Variants in SPMIP5 observed in about 807,000 individuals in gnomAD.
The protein encoded by SPMIP5 is sperm microtubule inner protein 5, also known as sperm-associated microtubule inner protein 5.
At chr10:116,663,867 C>G in the SPMIP5 span, 1 of 1,487,452 alleles carries the variant, frequency 6.7e-7, no homozygotes, top group Non-Finnish European at 8.9e-7. Flanking sequence ...GTTTTGGAAG[C>G]CCCACTTAAA....
the SPMIP5 span, chr10:116,664,863 A>G: frequency 6.2e-7 from 1 of 1,614,072 alleles, no homozygotes; most frequent in Non-Finnish European, 8.5e-7. Context: ...GCCACAGCCA[A>G]ATTCAGTGAC....
chr10:116,667,294 G>A, the SPMIP5 span, among the ~76,000 whole-genome samples: 1 of 152,206 alleles, frequency 6.6e-6, no homozygotes, highest in Non-Finnish European at 1.5e-5. Flanking sequence ...AAAGAGCATG[G>A]CCCTGCGGGC....
At chr10:116,665,799 C>G in the SPMIP5 span, 4 of 1,612,530 alleles carry the variant, frequency 2.5e-6, no homozygotes, top group East Asian at 6.7e-5. Flanking sequence ...CTTGGACATT[C>G]CTTGGCAGCT....
chr10:116,665,958 C>T, the SPMIP5 span: 3 of 766,350 alleles, frequency 3.9e-6, no homozygotes, highest in Non-Finnish European at 6.2e-6. Flanking sequence ...TACGTTTTTC[C>T]AAAGGCCATT....
chr10:116,665,522 TG>T, the SPMIP5 span: 1 of 1,247,130 alleles, frequency 8.0e-7, no homozygotes, highest in Non-Finnish European at 1.1e-6. Context: ...TGCGGGATTC[TG>T]GGTGCTATGG....
the SPMIP5 span, chr10:116,665,722 G>T: frequency 1.2e-6 from 2 of 1,614,150 alleles, no homozygotes; most frequent in Non-Finnish European, 1.7e-6. Context: ...CACAATTCCC[G>T]CAGCTGTTCT....
At chr10:116,664,155 AAG>A in the SPMIP5 span, 1 of 1,614,128 alleles carries the variant, frequency 6.2e-7, no homozygotes, top group Non-Finnish European at 8.5e-7. Context: ...GTAGGAAGGA[AAG>A]AGACATTTCT....
chr10:116,667,219 C>T, the SPMIP5 span, among the ~76,000 whole-genome samples: 1 of 152,126 alleles, frequency 6.6e-6, no homozygotes, highest in Non-Finnish European at 1.5e-5. Context: ...TGCCACAAGC[C>T]AAGAACACTG....
At chr10:116,664,243 A>G in the SPMIP5 span, 4 of 1,609,434 alleles carry the variant, frequency 2.5e-6, no homozygotes, top group Non-Finnish European at 2.5e-6. Context: ...GACGGAGCAG[A>G]AGTTTTTGTG....
the SPMIP5 span, among the ~76,000 whole-genome samples, chr10:116,667,621 G>C: frequency 3.1e-3 from 474 of 152,308 alleles, 3 homozygotes; most frequent in African/African-American, 0.011. Flanking sequence ...AGAGCCAAGG[G>C]TCTGTGGGGA....
the SPMIP5 span, chr10:116,663,855 A>G: frequency 2.7e-6 from 4 of 1,475,184 alleles, no homozygotes; most frequent in Non-Finnish European, 3.6e-6. Flanking sequence ...TGAGAATGGC[A>G]GGTTTTGGAA....
the SPMIP5 span, chr10:116,665,754 T>C: frequency 6.2e-7 from 1 of 1,614,188 alleles, no homozygotes. Context: ...TGTTTTCTCC[T>C]GGAAGGTTTT....
At chr10:116,668,553 G>C in the SPMIP5 span, among the ~76,000 whole-genome samples, 4 of 152,010 alleles carry the variant, frequency 2.6e-5, no homozygotes, top group Admixed American at 2.6e-4. Flanking sequence ...TTGGATAACA[G>C]TGTGTAGATC....
chr10:116,666,068 G>A, the SPMIP5 span, among the ~76,000 whole-genome samples: 4 of 152,238 alleles, frequency 2.6e-5, no homozygotes, highest in African/African-American at 7.2e-5. Flanking sequence ...CAACAAAGGC[G>A]ATGACAGTAA....
the SPMIP5 span, chr10:116,664,889 G>A: frequency 1.2e-6 from 2 of 1,614,118 alleles, no homozygotes; most frequent in Non-Finnish European, 8.5e-7. Flanking sequence ...CTCTCGGCAG[G>A]TAGCCTGCCC....
At chr10:116,665,418 A>AG in the SPMIP5 span, 1 of 569,482 alleles carries the variant, frequency 1.8e-6, no homozygotes, top group Non-Finnish European at 3.0e-6. Flanking sequence ...AAAAAAAAAA[A>AG]AAAGAAAAAG....
At chr10:116,663,918 A>C in the SPMIP5 span, 1 of 1,536,556 alleles carries the variant, frequency 6.5e-7, no homozygotes, top group South Asian at 1.2e-5. Context: ...AGCCTTCTGC[A>C]TACTTTGCGG....
At chr10:116,669,265 A>G in the SPMIP5 span, among the ~76,000 whole-genome samples, 1 of 152,170 alleles carries the variant, frequency 6.6e-6, no homozygotes, top group African/African-American at 2.4e-5. Flanking sequence ...AGAGGGCCAC[A>G]GTCATGGCTT....
At chr10:116,663,828 T>G in the SPMIP5 span, 2 of 1,420,056 alleles carry the variant, frequency 1.4e-6, no homozygotes, top group Non-Finnish European at 1.8e-6. Context: ...TATTGCTCAC[T>G]GGGCGTGATT....
Sources: gnomAD v4.1 joint callset for allele counts (sites outside exome capture counted in the v4.1 genomes callset) on GRCh38, gnomAD v4.1.1 for gene constraint, MANE v1.5 for transcripts, NCBI Gene and HGNC (gene_info 2026-07-23, HGNC 2026-07-21) for gene names.